Variants in SPAG9 observed in about 807,000 individuals in gnomAD.
The protein encoded by SPAG9 is C-Jun-amino-terminal kinase-interacting protein 4.
In SPAG9, 35 loss-of-function variants were observed where a neutral mutation model predicts 166.5. That is an observed-to-expected ratio of 0.21 (90% confidence interval 0.16 to 0.28). SPAG9 has a LOEUF of 0.28. Ranked by LOEUF, SPAG9 falls within the 10% of genes least tolerant of loss-of-function variation. SPAG9 has a pLI of 1.00. For missense variants in SPAG9, 1,235 were observed against 1,603.3 expected (o/e 0.77, Z 3.92); for synonymous variants, 534 against 565.5 (o/e 0.94, Z 0.79).
In SPAG9 at chr17:51,025,978, G is replaced by C. The variant is rs140379670; in HGVS notation, c.784-4613C>G. 1.3e-3 allele frequency among the ~76,000 whole-genome samples: 197 copies of C among 152,282 alleles called. 1 individual carries two copies. The highest frequency in any genetic ancestry group is 4.5e-3 in the African/African-American group (187 of 41,546). On this transcript the variant is annotated intron_variant, in intron 6 of 29. Transcript: ENST00000262013. ...GATGAAAGCACTTAAAACCCATTAA[G>C]ACGGCGGATTCAGAAAGCCCTAGAG...
intron 6 of SPAG9, 99 bp from the exon 7 acceptor site, chr17:51,021,464 T>TA: frequency 1.0e-6 from 1 of 993,526 alleles, no homozygotes; most frequent in Non-Finnish European, 1.4e-6. Context: ...GAAAGTTCTA[T>TA]TTTTTTTTCC....
intron 2 of SPAG9, among the ~76,000 whole-genome samples, chr17:51,077,722 C>G (rs2048057342): frequency 6.6e-6 from 1 of 152,094 alleles, no homozygotes; most frequent in African/African-American, 2.4e-5. Context: ...GCAATCTCAG[C>G]TCACTGCAAC....
intron 12 of SPAG9, among the ~76,000 whole-genome samples, chr17:51,002,894 T>C (rs1193254174): frequency 1.3e-5 from 2 of 151,624 alleles, no homozygotes; most frequent in African/African-American, 2.4e-5. Flanking sequence ...GCCTTGGCAA[T>C]GTGGTGTGAG....
At chr17:51,030,583 T>TA (rs2046346838) in intron 6 of SPAG9, among the ~76,000 whole-genome samples, 1 of 152,198 alleles carries the variant, frequency 6.6e-6, no homozygotes, top group Non-Finnish European at 1.5e-5. Flanking sequence ...GGTGTGTACA[T>TA]ACATTCTTCT....
At chr17:50,991,286 T>C (rs577519188) in intron 19 of SPAG9, among the ~76,000 whole-genome samples, 7 of 152,286 alleles carry the variant, frequency 4.6e-5, no homozygotes, top group Non-Finnish European at 7.4e-5. Flanking sequence ...AAAAAAATTC[T>C]TTTAAATCAT....
At chr17:51,067,878 T>A (rs1446626529) in intron 2 of SPAG9, among the ~76,000 whole-genome samples, 1 of 152,162 alleles carries the variant, frequency 6.6e-6, no homozygotes, top group East Asian at 1.9e-4. Flanking sequence ...AGCAAGAGGA[T>A]AAGATTAAGG....
Position 51,041,663 on chromosome 17 carries a change from G to A in SPAG9, c.591-12C>T, listed in dbSNP as rs1042710946. 9 of 1,608,782 alleles carry A rather than the reference G, an allele frequency of 5.6e-6. No homozygotes were observed. The highest frequency in any genetic ancestry group is 4.0e-5 in the African/African-American group (3 of 74,546). On this transcript the variant is annotated splice_polypyrimidine_tract_variant and intron_variant, in intron 4 of 29. Coordinates refer to ENST00000262013, the MANE Select transcript of SPAG9 (RefSeq NM_001130528.3). ...TAGGGCGTTCTTTTCTATTTGAAGA[G>A]GGGAGAAAAAATTCGGCATTCATTT... is the stretch of plus-strand genomic sequence containing the variant.
At chr17:51,109,954 C>T (rs992174282) in intron 1 of SPAG9, among the ~76,000 whole-genome samples, 25 of 151,298 alleles carry the variant, frequency 1.7e-4, no homozygotes, top group African/African-American at 2.4e-4. Flanking sequence ...TCAAGTGTTC[C>T]GCCCACCTCA....
At chr17:51,005,913 G>A (rs905544074) in intron 11 of SPAG9, among the ~76,000 whole-genome samples, 172 bp downstream of exon 11, 3 of 152,242 alleles carry the variant, frequency 2.0e-5, no homozygotes, top group African/African-American at 7.2e-5. Context: ...AACAACTGGA[G>A]GGGCCTGCTC....
intron 2 of SPAG9, among the ~76,000 whole-genome samples, chr17:51,068,184 T>C (rs1157912651): frequency 6.6e-6 from 1 of 152,156 alleles, no homozygotes; most frequent in Non-Finnish European, 1.5e-5. Flanking sequence ...CCTTGAACAA[T>C]TTAGCATCAG....
intron 2 of SPAG9, among the ~76,000 whole-genome samples, chr17:51,056,768 A>G (rs2144521209): frequency 6.6e-6 from 1 of 152,248 alleles, no homozygotes; most frequent in East Asian, 1.9e-4. Flanking sequence ...TCTTTCAAAA[A>G]CACAAATCAC....
chr17:51,094,176 C>T (rs2048549803), intron 1 of SPAG9, among the ~76,000 whole-genome samples: 1 of 152,214 alleles, frequency 6.6e-6, no homozygotes, highest in South Asian at 2.1e-4. Flanking sequence ...ATATTGAAAT[C>T]TGGGTTGCCA....
chr17:51,051,048 AAG>A (rs1002854220), intron 3 of SPAG9, among the ~76,000 whole-genome samples: 1 of 150,008 alleles, frequency 6.7e-6, no homozygotes, highest in Non-Finnish European at 1.5e-5. Flanking sequence ...AAAAAACAAA[AAG>A]AAAAAGAAAG....
rs71149343 is a variant in SPAG9, at chr17:51,095,296, TA to T, written c.304-15593del. ...GGGGGACAGAGTGAGACTCCATCTT[TA>T]AAAAAAAAAAAAAAAAAAAAAAAAA... On this transcript the variant is annotated intron_variant, in intron 1 of 29. Coordinates refer to ENST00000262013, the MANE Select transcript of SPAG9 (RefSeq NM_001130528.3). Among the ~76,000 whole-genome samples the T allele has an allele frequency of 2.9e-3, 245 of 83,490 alleles. 1 individual carries two copies. Among genetic ancestry groups the T allele is most frequent in the East Asian group, 7.0e-3 (19 of 2,726 alleles). 54.8% of individuals were successfully genotyped at this position (83,490 alleles called of 152,430 possible). A position where few individuals can be genotyped will look rare whatever the true frequency, so the allele number is the denominator to read the frequency against.
At chr17:51,054,022 CCTTAATAT>C (rs1296960739) in intron 3 of SPAG9, among the ~76,000 whole-genome samples, 4 of 148,048 alleles carry the variant, frequency 2.7e-5, no homozygotes, top group African/African-American at 4.9e-5. Context: ...CTTTTAGCAA[CCTTAATAT>C]CTTAATATCC....
At chr17:51,016,762 A>G (rs1163656367) in intron 8 of SPAG9, among the ~76,000 whole-genome samples, 3 of 152,072 alleles carry the variant, frequency 2.0e-5, no homozygotes, top group African/African-American at 7.2e-5. Context: ...AAAATTAGCC[A>G]GGCATGGTGG....
intron 5 of SPAG9, among the ~76,000 whole-genome samples, chr17:51,038,298 T>C (rs370439835): frequency 1.3e-4 from 19 of 151,952 alleles, no homozygotes; most frequent in African/African-American, 4.6e-4. Flanking sequence ...CCAGATTAAG[T>C]AAAAAGAAGG....
At position 50,996,650 on chromosome 17, in the gene SPAG9, T is replaced by C; in HGVS notation, c.1883A>G (p.Gln628Arg). The C allele has an allele frequency of 6.2e-7, 1 of 1,614,186 alleles. No individual in the cohort carries two copies. The highest frequency in any genetic ancestry group is 8.5e-7 in the Non-Finnish European group (1 of 1,180,010). Residue 628 changes from glutamine (Q) to arginine (R), a missense_variant, in exon 16 of 30, where the codon CAG (glutamine) becomes CGG (arginine). By Grantham distance (43) the Gln-to-Arg change is conservative. Coordinates refer to ENST00000262013, the MANE Select transcript of SPAG9 (RefSeq NM_001130528.3). ...LASRREQKREQYRQVKAHVQK... is the reference protein window; with the variant it reads ...LASRREQKRERYRQVKAHVQK... ...AACATGTGCTTTTACCTGACGATAC[T>C]GCTCTCTCTTTTGTTCTCTGCGTGA...
At chr17:50,984,040 C>T (rs920283698) in intron 24 of SPAG9, among the ~76,000 whole-genome samples, 2 of 152,118 alleles carry the variant, frequency 1.3e-5, no homozygotes, top group Admixed American at 6.5e-5. Context: ...TTTCATAATA[C>T]TTCCTAGATA....
Sources: gnomAD v4.1 joint callset for allele counts (sites outside exome capture counted in the v4.1 genomes callset) on GRCh38, gnomAD v4.1.1 for gene constraint, MANE v1.5 for transcripts, NCBI Gene and HGNC (gene_info 2026-07-23, HGNC 2026-07-21) for gene names.